Variants in PCDH17 observed in about 807,000 individuals in gnomAD.
The protein encoded by PCDH17 is protocadherin 17, also known as protocadherin-17.
In PCDH17, 21 loss-of-function variants were observed where a neutral mutation model predicts 67.7. That is an observed-to-expected ratio of 0.31 (90% CI 0.22 to 0.45). The LOEUF is 0.45. PCDH17 is among the 20% of genes least tolerant of loss of function. The probability of loss-of-function intolerance (pLI) is 1.00; values close to 1 mark genes in which losing one functional copy is unlikely to be tolerated. For missense variants in PCDH17, 1,471 were observed against 1,564.8 expected, an observed-to-expected ratio of 0.94 and a Z score of 1.01; for synonymous variants, 701 against 656.7, an observed-to-expected ratio of 1.07 and a Z score of -1.03.
At position 57,674,787 on chromosome 13, in the gene PCDH17, C is replaced by T. The variant is rs1462825954; in HGVS notation, c.2797+7954C>T. On this transcript the variant is annotated intron_variant, in intron 3 of 3. Transcript: ENST00000377918. ...GTTAATTTAATAGGTCTAAAACATT[C>T]CCCAGAAATTTTCTCTTATTTCATT... Among the ~76,000 whole-genome samples, 7 of 152,012 alleles carry T rather than the reference C, an allele frequency of 4.6e-5. No homozygotes were observed. In the East Asian group the frequency reaches 1.4e-3, roughly 30 times the overall value.
chr13:57,674,003 A>G (rs948140169), intron 3 of PCDH17, among the ~76,000 whole-genome samples: 1 of 151,960 alleles, frequency 6.6e-6, no homozygotes, highest in African/African-American at 2.4e-5. Context: ...GTTTCAATAT[A>G]TTTTTCACAT....
chr13:57,690,391 T>G (rs1955547610), intron 3 of PCDH17, among the ~76,000 whole-genome samples: 1 of 151,714 alleles, frequency 6.6e-6, no homozygotes, highest in Non-Finnish European at 1.5e-5. Flanking sequence ...GAATAACTTT[T>G]AAGAATTACT....
chr13:57,645,049 CAAG>C (rs985185027), intron 1 of PCDH17, among the ~76,000 whole-genome samples: 2 of 151,566 alleles, frequency 1.3e-5, no homozygotes, highest in African/African-American at 4.8e-5. Flanking sequence ...TGGTGGATAA[CAAG>C]AAATTTAACA....
chr13:57,637,988 A>G (rs1954844353), intron 1 of PCDH17, among the ~76,000 whole-genome samples: 1 of 152,034 alleles, frequency 6.6e-6, no homozygotes, highest in South Asian at 2.1e-4. Flanking sequence ...ATTTGATTTC[A>G]GGTGTTTTTC....
chr13:57,711,711 A>G (rs1206880491), intron 3 of PCDH17, among the ~76,000 whole-genome samples: 1 of 151,560 alleles, frequency 6.6e-6, no homozygotes, highest in Non-Finnish European at 1.5e-5. Flanking sequence ...TTGCATATAT[A>G]TTTTTGATTA....
chr13:57,634,105 C>G lies in PCDH17; in HGVS notation c.1559C>G (p.Ser520Cys). 1 of 1,612,130 alleles carries G rather than the reference C, an allele frequency of 6.2e-7. No individual in the cohort carries two copies. Among genetic ancestry groups the G allele is most frequent in the Non-Finnish European group, 8.5e-7 (1 of 1,179,538 alleles). The stretch of plus-strand genomic sequence containing the variant: ...CTGCCCTCGCACATCGGCGACGTGT[C>G]TATCTACACCTATGTGTCTGTGAAT... The part of the protein sequence containing the change: ...SILPSHIGDV[S>C]IYTYVSVNPT... The change falls in exon 1 of 4, where the codon TCT (serine) becomes TGT (cysteine). Residue 520 changes from serine (S) to cysteine (C), a missense_variant. Physicochemically the swap from Ser to Cys is moderately radical, Grantham distance 112. Around this residue, in one of 3 missense-constraint regions of PCDH17, gnomAD observed 1,163 missense variants for 1,230.0 expected, o/e 0.95. Transcript: ENST00000377918. This position sits in a 1 kb window ranked among gnomAD's most constrained non-coding sequence, Gnocchi z 7.8.
rs540210940 is a variant in PCDH17 at position 57,634,978 on chromosome 13, C to T, written c.2432C>T (p.Ser811Leu). Residue 811 changes from serine to leucine, a missense_variant, in exon 1 of 4, where the codon TCG (serine) becomes TTG (leucine). Ser to Leu is a moderately radical substitution (Grantham distance 145). Transcript: ENST00000377918. The surrounding 1 kb of genome is among the most constrained non-coding windows in gnomAD (Gnocchi z 7.8). ...QTRLPLSSPR[S>L]EVMYLKPASN... ...CGCCTGCCCCTCAGCTCGCCCCGGT[C>T]GGAGGTGATGTATCTCAAACCGGCC... is the stretch of plus-strand genomic sequence containing the variant. 8.7e-6 allele frequency: 14 copies of T among 1,613,858 alleles called. No homozygotes were observed. In the Admixed American group the frequency reaches 2.3e-4, roughly 27 times the overall value.
chr13:57,702,126 C>T (rs578058909), intron 3 of PCDH17, among the ~76,000 whole-genome samples: 4 of 152,138 alleles, frequency 2.6e-5, no homozygotes, highest in African/African-American at 9.6e-5. Context: ...TCATGTTGGC[C>T]AGGATGGTCT....
In PCDH17 at chr13:57,687,872, A is replaced by T. The variant is rs182067071; in HGVS notation, c.2797+21039A>T. Among the ~76,000 whole-genome samples, 317 of 152,034 alleles carry T rather than the reference A, an allele frequency of 2.1e-3. 3 individuals are homozygous for T. The highest frequency in any genetic ancestry group is 7.5e-3 in the African/African-American group (313 of 41,520). On this transcript the variant is annotated intron_variant, in intron 3 of 3. Coordinates refer to ENST00000377918, the MANE Select transcript of PCDH17 (RefSeq NM_001040429.3). Reference sequence around the variant, plus strand: ...GTTGTGGAGGGAGCTCCCCCAGTGGAGCTAAGTCCTCACACGTGGCAGATT... The same window carrying T: ...GTTGTGGAGGGAGCTCCCCCAGTGGTGCTAAGTCCTCACACGTGGCAGATT...
At chr13:57,724,345 C>A (rs916782612) in intron 3 of PCDH17, among the ~76,000 whole-genome samples, 6 of 152,314 alleles carry the variant, frequency 3.9e-5, no homozygotes, top group African/African-American at 1.4e-4. Context: ...CTCTATTCTA[C>A]TGAGAATGAT....
chr13:57,665,912 G>T (rs1955247300), intron 1 of PCDH17, among the ~76,000 whole-genome samples: 2 of 152,168 alleles, frequency 1.3e-5, no homozygotes, highest in Admixed American at 6.6e-5. Context: ...TCCATAGTTG[G>T]GTTGTAGCTG....
chr13:57,671,694 T>C (rs1955324676), intron 3 of PCDH17, among the ~76,000 whole-genome samples: 1 of 152,112 alleles, frequency 6.6e-6, no homozygotes, highest in Non-Finnish European at 1.5e-5. Flanking sequence ...TTCTCTGAGC[T>C]CCTTAATGAT....
rs1955127489 is a variant in PCDH17, at chr13:57,657,831, A to T, written c.2566-8637A>T. On this transcript the variant is annotated intron_variant, in intron 1 of 3. Coordinates refer to ENST00000377918, the MANE Select transcript of PCDH17 (RefSeq NM_001040429.3). ...AAATATAAATTTGGCTGATTTTATA[A>T]TTATACGATTTAACACCATATCTAG... Among the ~76,000 whole-genome samples the T allele has an allele frequency of 1.3e-5, 2 of 152,202 alleles. 1 individual carries two copies. The highest frequency in any genetic ancestry group is 4.8e-5 in the African/African-American group (2 of 41,468).
At chr13:57,686,429 A>G (rs1955508700) in intron 3 of PCDH17, among the ~76,000 whole-genome samples, 1 of 152,046 alleles carries the variant, frequency 6.6e-6, no homozygotes, top group South Asian at 2.1e-4. Context: ...TAATTAATGC[A>G]GTAATTTAGG....
chr13:57,662,371 A>G (rs796730968), intron 1 of PCDH17, among the ~76,000 whole-genome samples: 9 of 152,306 alleles, frequency 5.9e-5, no homozygotes, highest in African/African-American at 2.2e-4. Flanking sequence ...TTGTCTTCCA[A>G]TCCATAAACA....
chr13:57,634,923 A>T lies in PCDH17; in HGVS notation c.2377A>T (p.Thr793Ser), dbSNP rs762246138. 4 of 1,612,378 alleles carry T rather than the reference A, an allele frequency of 2.5e-6. 1 individual carries two copies. In the South Asian group the frequency reaches 4.4e-5, roughly 18 times the overall value. ...MNVVSSPSLA[T>S]SPMYFDYQTR... The stretch of plus-strand genomic sequence containing the variant: ...CGTGGTGAGCAGCCCCTCCCTGGCC[A>T]CCTCCCCCATGTACTTCGACTACCA... Residue 793 changes from threonine to serine, a missense_variant, in exon 1 of 4, where the codon ACC (threonine) becomes TCC (serine). By Grantham distance (58) the Thr-to-Ser change is moderately conservative. Around this residue, in one of 3 missense-constraint regions of PCDH17, gnomAD observed 1,163 missense variants for 1,230.0 expected, o/e 0.95. Transcript: ENST00000377918. The surrounding 1 kb of genome is among the most constrained non-coding windows in gnomAD (Gnocchi z 7.8).
At chr13:57,701,966 G>A (rs1365502773) in intron 3 of PCDH17, among the ~76,000 whole-genome samples, 1 of 152,026 alleles carries the variant, frequency 6.6e-6, no homozygotes, top group East Asian at 1.9e-4. Flanking sequence ...TGCCCAGGCT[G>A]GAGTGCAGTG....
At chr13:57,657,937 T>C (rs1955129414) in intron 1 of PCDH17, among the ~76,000 whole-genome samples, 1 of 152,220 alleles carries the variant, frequency 6.6e-6, no homozygotes, top group South Asian at 2.1e-4. Flanking sequence ...TGAGTTGCTC[T>C]CTTAATGACT....
intron 3 of PCDH17, among the ~76,000 whole-genome samples, chr13:57,700,059 C>T (rs1378862048): frequency 1.3e-5 from 2 of 151,952 alleles, no homozygotes; most frequent in South Asian, 2.1e-4. Context: ...TTCAAAATTG[C>T]CGTGGTTTGG....
Sources: gnomAD v4.1 joint callset for allele counts (sites outside exome capture counted in the v4.1 genomes callset) on GRCh38, gnomAD v4.1.1 for gene constraint, gnomAD v4.1.1 regional missense constraint, Gnocchi (gnomAD v3.1) non-coding constraint, MANE v1.5 for transcripts, NCBI Gene and HGNC (gene_info 2026-07-23, HGNC 2026-07-21) for gene names.